Variants in KDM2B observed in about 807,000 individuals in gnomAD.
KDM2B encodes lysine demethylase 2B.
A neutral mutation model predicts 150.0 loss-of-function variants in KDM2B; 26 were observed. The observed-to-expected ratio is 0.17, with a 90% CI of 0.13 to 0.24. The LOEUF (loss-of-function observed/expected upper bound fraction) is 0.24, where lower values mean the gene tolerates loss of function less well. Ranked by LOEUF, KDM2B falls within the 10% of genes least tolerant of loss-of-function variation. The probability of loss-of-function intolerance (pLI) is 1.00; values close to 1 mark genes in which losing one functional copy is unlikely to be tolerated. For missense variants in KDM2B, 1,265 were observed against 1,816.9 expected (o/e 0.70, Z 5.52); for synonymous variants, 734 against 729.5 (o/e 1.01, Z -0.10).
Position 121,443,010 on chromosome 12 carries a change from A to C in KDM2B, c.2586T>G (p.Asp862Glu). ...ATGGTACCTTTTTCCTGAAAAGCTT[A>C]TCTTCTTTGCCAGGTTTGAGCTGTC... ...FQQQLKPGKE[D>E]KLFRKKRRSW... The change falls in exon 18 of 23, where the codon GAT (aspartate) becomes GAG (glutamate). Residue 862 changes from aspartate (D) to glutamate (E), a missense_variant. By Grantham distance (45) the Asp-to-Glu change is conservative. Transcript: ENST00000377071. The C allele has an allele frequency of 6.2e-7, 1 of 1,613,246 alleles. No homozygotes were observed. The highest frequency in any genetic ancestry group is 8.5e-7 in the Non-Finnish European group (1 of 1,179,682).
At chr12:121,544,992 G>A (rs1209980117) in intron 6 of KDM2B, among the ~76,000 whole-genome samples, 3 of 150,484 alleles carry the variant, frequency 2.0e-5, no homozygotes, top group Non-Finnish European at 2.9e-5. Flanking sequence ...GGAAGCAGTC[G>A]TGTGTCTGTG....
rs1246136915 is a variant in KDM2B at position 121,533,015 on chromosome 12, G to A, written c.778-56C>T. ...GACCCAGGCCCAGACAAGACCCAGA[G>A]AGAGGGCCCCACCTGCCTGGCGGAA... On this transcript the variant is annotated intron_variant, in intron 7 of 22. Transcript: ENST00000377071. The surrounding 1 kb of genome is among the most constrained non-coding windows in gnomAD (Gnocchi z 4.1). 1.3e-6 allele frequency: 2 copies of A among 1,594,844 alleles called. No individual in the cohort carries two copies. The highest frequency in any genetic ancestry group is 1.7e-6 in the Non-Finnish European group (2 of 1,165,498).
chr12:121,497,009 A>G (rs1454855311), intron 11 of KDM2B, among the ~76,000 whole-genome samples: 1 of 148,748 alleles, frequency 6.7e-6, no homozygotes, highest in African/African-American at 2.5e-5. Context: ...TGCTTGCATG[A>G]TTTTTCTTTT....
downstream of KDM2B, among the ~76,000 whole-genome samples, chr12:121,426,949 A>G (rs1555284327): frequency 6.6e-6 from 1 of 152,036 alleles, no homozygotes; most frequent in Non-Finnish European, 1.5e-5. Context: ...TAAATTTTTT[A>G]AATAGGTCAT....
chr12:121,532,027 A>G (rs1420107898), intron 8 of KDM2B, among the ~76,000 whole-genome samples: 1 of 152,038 alleles, frequency 6.6e-6, no homozygotes, highest in Admixed American at 6.6e-5. Flanking sequence ...GGAGGCTGAC[A>G]TGAGAACTGC....
At chr12:121,479,664 CA>C (rs1426121283) in intron 12 of KDM2B, among the ~76,000 whole-genome samples, 1 of 151,752 alleles carries the variant, frequency 6.6e-6, no homozygotes, top group Non-Finnish European at 1.5e-5. Context: ...CTCTGTTGCC[CA>C]GGCTGGAGTG....
intron 4 of KDM2B, among the ~76,000 whole-genome samples, chr12:121,568,476 C>T (rs1890865275): frequency 6.6e-6 from 1 of 152,024 alleles, no homozygotes; most frequent in African/African-American, 2.4e-5. Flanking sequence ...AACAAACAAA[C>T]AAAATCACAC....
intron 6 of KDM2B, among the ~76,000 whole-genome samples, chr12:121,547,877 G>A (rs991406013): frequency 2.0e-4 from 30 of 151,798 alleles, no homozygotes; most frequent in African/African-American, 2.9e-4. Flanking sequence ...TCCTGACCTC[G>A]TGATCTGCCC....
chr12:121,414,961 T>G, the KDM2B span, among the ~76,000 whole-genome samples: 1 of 152,194 alleles, frequency 6.6e-6, no homozygotes, highest in African/African-American at 2.4e-5. Context: ...CTGGGCATGG[T>G]GGCGGATGCC....
At position 121,533,854 on chromosome 12, in the gene KDM2B, C is replaced by T. The variant is rs945598167; in HGVS notation, c.777+643G>A. Among the ~76,000 whole-genome samples the T allele has an allele frequency of 3.3e-5, 5 of 152,178 alleles. No individual in the cohort carries two copies. Among genetic ancestry groups the T allele is most frequent in the African/African-American group, 1.2e-4 (5 of 41,446 alleles). ...CCTGGGCCAGGAGCCATGGCCCACG[C>T]CTACAATCCCAGCACTTTGGAAGAC... is the stretch of plus-strand genomic sequence containing the variant. On this transcript the variant is annotated intron_variant, in intron 7 of 22. Coordinates refer to ENST00000377071, the MANE Select transcript of KDM2B (RefSeq NM_032590.5). The surrounding 1 kb of genome is among the most constrained non-coding windows in gnomAD (Gnocchi z 4.1).
chr12:121,415,878 G>T, the KDM2B span, among the ~76,000 whole-genome samples: 78 of 122,694 alleles, frequency 6.4e-4, 1 homozygote, highest in East Asian at 0.014. Context: ...CTGTGTACAT[G>T]TATCTGTTTT....
intron 12 of KDM2B, among the ~76,000 whole-genome samples, chr12:121,476,314 C>G (rs1163467893): frequency 6.6e-6 from 1 of 151,258 alleles, no homozygotes; most frequent in Non-Finnish European, 1.5e-5. Context: ...AAAAATTAGC[C>G]GAGCATGGTA....
At chr12:121,445,033 C>G in intron 14 of KDM2B, 1 of 521,118 alleles carries the variant, frequency 1.9e-6, no homozygotes, top group Non-Finnish European at 3.4e-6. Context: ...GCTCTGGAAA[C>G]CCTCTCTGGT....
chr12:121,534,274 A>G (rs966802632), intron 7 of KDM2B, among the ~76,000 whole-genome samples: 10 of 151,770 alleles, frequency 6.6e-5, no homozygotes, highest in South Asian at 2.1e-4. Context: ...GCATGAACCC[A>G]GGAGGCAGAG....
intron 8 of KDM2B, among the ~76,000 whole-genome samples, chr12:121,523,048 G>A (rs1178986300): frequency 7.2e-5 from 11 of 152,204 alleles, no homozygotes; most frequent in South Asian, 2.1e-4. Flanking sequence ...CCTGGCTGCC[G>A]GGTCACACAG....
chr12:121,423,606 C>T, the KDM2B span: 1 of 1,590,792 alleles, frequency 6.3e-7, no homozygotes, highest in South Asian at 1.1e-5. This position sits in a 1 kb window ranked among gnomAD's most constrained non-coding sequence, Gnocchi z 4.3. Context: ...GACAGTCACC[C>T]CCAAACTTGA....
Position 121,440,911 on chromosome 12 carries a change from C to T in KDM2B, c.3515G>A (p.Cys1172Tyr), listed in dbSNP as rs782815078. Residue 1172 changes from cysteine to tyrosine, a missense_variant, in exon 21 of 23, where the codon TGT becomes TAT. Physicochemically the swap from Cys to Tyr is radical, Grantham distance 194. Coordinates refer to ENST00000377071, the MANE Select transcript of KDM2B (RefSeq NM_032590.5). ...GACATCCAGGGTCCGGAGCAGCGGA[C>T]AACTGGAGCTGCAAAGGGCCGAGAC... ...IAVSALCSSS[C>Y]PLLRTLDVQW... is the part of the protein sequence containing the mutation. 1.2e-6 allele frequency: 2 copies of T among 1,613,982 alleles called. No individual in the cohort carries two copies. Among genetic ancestry groups the T allele is most frequent in the African/African-American group, 1.3e-5 (1 of 74,930 alleles).
At chr12:121,427,891 A>T (rs1217356183), downstream of KDM2B, among the ~76,000 whole-genome samples, 1 of 152,250 alleles carries the variant, frequency 6.6e-6, no homozygotes, top group Non-Finnish European at 1.5e-5. Flanking sequence ...CCAGAGAACA[A>T]TGATTAACCT....
chr12:121,534,423 G>C, intron 7 of KDM2B, 74 bp downstream of exon 7: 5 of 1,060,498 alleles, frequency 4.7e-6, no homozygotes, highest in African/African-American at 1.6e-5. Context: ...TGGGAGGAGA[G>C]GGAAAGGTAA....
Sources: allele counts gnomAD v4.1 joint callset (sites outside exome capture counted in the v4.1 genomes callset), GRCh38; gene constraint gnomAD v4.1.1; non-coding constraint Gnocchi (gnomAD v3.1); transcripts MANE v1.5; gene names NCBI Gene and HGNC (gene_info 2026-07-23, HGNC 2026-07-21).